CRLF3: variants seen among roughly 807,000 people sequenced by gnomAD.
CRLF3 encodes the protein cytokine receptor-like factor 3.
In CRLF3, 33 loss-of-function variants were observed where a neutral mutation model predicts 55.0. The ratio of observed to expected loss-of-function variants is 0.60; its 90% CI spans 0.46 to 0.80. CRLF3 has a LOEUF of 0.80. CRLF3 is among the 30% of genes least tolerant of loss of function. CRLF3 has a pLI of 0.00. For synonymous variants in CRLF3, 238 were observed against 196.8 expected (o/e 1.21, Z -1.75); for missense variants, 494 against 538.4 (o/e 0.92, Z 0.82).
chr17:30,786,407 T>C (rs1971649128), intron 6 of CRLF3: 1 of 159,444 alleles, frequency 6.3e-6, no homozygotes, highest in Admixed American at 6.3e-5. Context: ...CCCGGCTAAG[T>C]TTTCTATTTT....
intron 7 of CRLF3, among the ~76,000 whole-genome samples, chr17:30,785,563 G>A (rs1971623325): frequency 6.6e-6 from 1 of 151,820 alleles, no homozygotes; most frequent in South Asian, 2.1e-4. Flanking sequence ...TGGGAGGATT[G>A]CTGGAAACCA....
At chr17:30,795,707 G>A (rs1273954375) in intron 4 of CRLF3, among the ~76,000 whole-genome samples, 2 of 151,910 alleles carry the variant, frequency 1.3e-5, no homozygotes, top group South Asian at 4.1e-4. Flanking sequence ...TGGCCGAGGC[G>A]AGTGGGTCAC....
Position 30,787,666 on chromosome 17 carries a change from G to A in CRLF3, c.960-1635C>T, listed in dbSNP as rs1457776403. On this transcript the variant is annotated intron_variant, in intron 6 of 7. Coordinates refer to ENST00000324238, the MANE Select transcript of CRLF3 (RefSeq NM_015986.4). ...ATGCAGGATCATAATATTTGGGTAG[G>A]TTTCTGAAGTTATTTCATATCTGAG... is the stretch of plus-strand genomic sequence containing the variant. 2.0e-5 allele frequency: 3 copies of A among 152,146 alleles called. No homozygotes were observed. In the East Asian group the frequency reaches 5.8e-4, roughly 29 times the overall value. The allele number at this position is 152,146 out of a possible 1,614,324, so 9.4% of individuals were successfully genotyped here.
intron 6 of CRLF3, among the ~76,000 whole-genome samples, chr17:30,791,838 T>C (rs979723842): frequency 2.6e-5 from 4 of 151,490 alleles, no homozygotes; most frequent in African/African-American, 9.7e-5. Flanking sequence ...TTTTAAGATT[T>C]ACTTTTTAAT....
chr17:30,819,253 T>C (rs553162088), intron 1 of CRLF3, among the ~76,000 whole-genome samples: 2 of 152,340 alleles, frequency 1.3e-5, no homozygotes, highest in East Asian at 3.9e-4. Flanking sequence ...AGTCATTTTA[T>C]AGAGTGAACT....
At chr17:30,821,614 C>T (rs933336627) in intron 1 of CRLF3, among the ~76,000 whole-genome samples, 5 of 152,294 alleles carry the variant, frequency 3.3e-5, no homozygotes, top group African/African-American at 9.6e-5. Flanking sequence ...GTTTGAAGTA[C>T]TGTTACATGC....
intron 6 of CRLF3, chr17:30,790,606 C>CTTTTTTTTTTT (rs573997612): frequency 2.6e-5 from 2 of 75,652 alleles, no homozygotes; most frequent in African/African-American, 1.0e-4. Context: ...AATTTTTTTG[C>CTTTTTTTTTTT]TTTTTTTTTT....
intron 1 of CRLF3, among the ~76,000 whole-genome samples, chr17:30,822,548 T>C (rs187602306): frequency 2.6e-5 from 4 of 152,300 alleles, no homozygotes; most frequent in African/African-American, 9.6e-5. Flanking sequence ...CCCAAGACAA[T>C]GGGCCTCAAA....
intron 2 of CRLF3, 188 bp downstream of exon 2, chr17:30,803,708 ATTCTC>A (rs1222917887): frequency 1.3e-5 from 8 of 598,100 alleles, no homozygotes; most frequent in Non-Finnish European, 1.8e-5. Flanking sequence ...CTTGGCTCTC[ATTCTC>A]TTCTCTTGTC....
At position 30,822,791 on chromosome 17, in the gene CRLF3, C is replaced by T. The variant is rs559969156; in HGVS notation, c.129+1732G>A. On this transcript the variant is annotated intron_variant, in intron 1 of 7. Coordinates refer to ENST00000324238, the MANE Select transcript of CRLF3 (RefSeq NM_015986.4). ...TGATTCTTAATTGCTAATACAAAAA[C>T]AATAATCATGGTCATATAGAATACA... 8.7e-4 allele frequency among the ~76,000 whole-genome samples: 132 copies of T among 152,036 alleles called. 1 individual carries two copies. The highest frequency in any genetic ancestry group is 1.1e-3 in the Non-Finnish European group (78 of 67,982).
intron 2 of CRLF3, among the ~76,000 whole-genome samples, chr17:30,803,174 A>T (rs116524302): frequency 0.15 from 22,605 of 149,812 alleles, 1,923 homozygotes; most frequent in Non-Finnish European, 0.18. Context: ...TCAAAAAAAA[A>T]ATATATATAT....
chr17:30,795,831 G>C (rs1464765459), intron 4 of CRLF3, among the ~76,000 whole-genome samples: 4 of 152,072 alleles, frequency 2.6e-5, no homozygotes, highest in Non-Finnish European at 4.4e-5. Context: ...AGCTACTCAG[G>C]AGGCCGAAGC....
Position 30,785,927 on chromosome 17 carries a change from C to T in CRLF3, c.1064G>A (p.Ser355Asn). The T allele has an allele frequency of 6.4e-7, 1 of 1,559,426 alleles. No individual in the cohort carries two copies. The highest frequency in any genetic ancestry group is 8.8e-7 in the Non-Finnish European group (1 of 1,131,548). ...SLQRDQAVCISTNGAVFVNGK... is the reference protein window; with the variant it reads ...SLQRDQAVCINTNGAVFVNGK... ...AGTTATTTATCTCTTACCATTTGTA[C>T]TAATGCACACAGCTTGATCCCGCTG... Residue 355 changes from serine to asparagine, a missense_variant, in exon 7 of 8, where the codon AGT becomes AAT. Transcript: ENST00000324238.
At chr17:30,785,062 T>C (rs1431062042) in intron 7 of CRLF3, 2 of 150,652 alleles carry the variant, frequency 1.3e-5, no homozygotes, top group African/African-American at 2.5e-5. Flanking sequence ...CCACAAAATA[T>C]TATTAACATG....
intron 1 of CRLF3, among the ~76,000 whole-genome samples, chr17:30,823,033 G>T (rs1905041278): frequency 6.6e-6 from 1 of 152,070 alleles, no homozygotes; most frequent in African/African-American, 2.4e-5. Context: ...AAATGCAAAT[G>T]ATGTCTGGCC....
At chr17:30,823,991 A>T (rs1905066079) in intron 1 of CRLF3, among the ~76,000 whole-genome samples, 1 of 152,122 alleles carries the variant, frequency 6.6e-6, no homozygotes, top group Non-Finnish European at 1.5e-5. Context: ...TTATTCAGGC[A>T]TTAACCGCAT....
intron 2 of CRLF3, among the ~76,000 whole-genome samples, chr17:30,797,895 C>T (rs1164772554): frequency 6.6e-6 from 1 of 151,220 alleles, no homozygotes; most frequent in Non-Finnish European, 1.5e-5. Flanking sequence ...CCATCTCAGC[C>T]TCCCAAGTAG....
chr17:30,804,125 A>C lies in CRLF3; in HGVS notation c.130-17T>G. ...TTCTTTGATCTAAAAAGAAATAACAAAATACTCAAAATCAGAATCTTTAAA... is the reference window on the plus strand; with the variant it reads ...TTCTTTGATCTAAAAAGAAATAACACAATACTCAAAATCAGAATCTTTAAA... On this transcript the variant is annotated splice_polypyrimidine_tract_variant and intron_variant, in intron 1 of 7. Transcript: ENST00000324238. 6.4e-7 allele frequency: 1 copy of C among 1,559,824 alleles called. No homozygotes were observed. The highest frequency in any genetic ancestry group is 1.1e-5 in the South Asian group (1 of 89,252).
rs1273852506 is a variant in CRLF3 at position 30,803,097 on chromosome 17, C to G, written c.337+804G>C. Reference sequence around the variant, plus strand: ...GGAGGATCACCTGAGCCAGGGAGGTCAAGACTGCAGTGAGCTCTGACAGCA... The same window carrying G: ...GGAGGATCACCTGAGCCAGGGAGGTGAAGACTGCAGTGAGCTCTGACAGCA... On this transcript the variant is annotated intron_variant, in intron 2 of 7. Transcript: ENST00000324238. 2.6e-5 allele frequency among the ~76,000 whole-genome samples: 4 copies of G among 151,260 alleles called. No homozygotes were observed. The East Asian group carries it at 5.9e-4, about 22-fold the overall frequency.
Sources: gnomAD v4.1 joint callset for allele counts (sites outside exome capture counted in the v4.1 genomes callset) on GRCh38, gnomAD v4.1.1 for gene constraint, MANE v1.5 for transcripts, NCBI Gene and HGNC (gene_info 2026-07-23, HGNC 2026-07-21) for gene names.